PCIF1: variants seen among roughly 807,000 people sequenced by gnomAD.
PCIF1 encodes the protein mRNA (2'-O-methyladenosine-N(6)-)-methyltransferase.
Under a neutral mutation model 86.9 loss-of-function variants are expected in PCIF1, and 12 were observed. That is an observed-to-expected ratio of 0.14 (90% CI 0.09 to 0.22). PCIF1 has a LOEUF of 0.22. PCIF1 is among the 10% of genes least tolerant of loss of function. The probability of loss-of-function intolerance (pLI) is 1.00; values close to 1 mark genes in which losing one functional copy is unlikely to be tolerated. For synonymous variants in PCIF1, 397 were observed against 372.0 expected (o/e 1.07, Z -0.77); for missense variants, 701 against 951.1 (o/e 0.74, Z 3.46).
chr20:45,941,001 G>A, intron 6 of PCIF1, 52 bp from the exon 7 acceptor site: 10 of 1,614,122 alleles, frequency 6.2e-6, no homozygotes, highest in Non-Finnish European at 8.5e-6. Flanking sequence ...CTGGGACTGT[G>A]GGGTGGTGTG....
intron 5 of PCIF1, 41 bp from the exon 6 acceptor site, chr20:45,940,768 G>T (rs200827647): frequency 1.2e-6 from 2 of 1,606,014 alleles, no homozygotes; most frequent in East Asian, 2.2e-5. Context: ...AGCCTCTCTG[G>T]TGAATCTCCT....
At position 45,947,145 on chromosome 20, in the gene PCIF1, T is replaced by A; in HGVS notation, c.1686T>A (p.Asp562Glu). 6.2e-7 allele frequency: 1 copy of A among 1,613,344 alleles called. No homozygotes were observed. The stretch of plus-strand genomic sequence containing the variant: ...CTCCCTTCTGCGAGGAGCTCATGGA[T>A]GCCATGGTCTCTCACTTTGAGGTGG... Reference protein sequence around the residue: ...ANPPFCEELMDAMVSHFERLL... With the variant: ...ANPPFCEELMEAMVSHFERLL... Residue 562 changes from aspartate to glutamate, a missense_variant, in exon 15 of 17, where the codon GAT (aspartate) becomes GAA (glutamate). Physicochemically the swap from Asp to Glu is conservative, Grantham distance 45. Around this residue, in one of 7 missense-constraint regions of PCIF1, gnomAD observed 174 missense variants for 206.9 expected, o/e 0.84. Transcript: ENST00000372409. The surrounding 1 kb of genome is among the most constrained non-coding windows in gnomAD (Gnocchi z 5.4).
intron 4 of PCIF1, among the ~76,000 whole-genome samples, chr20:45,939,624 G>C (rs1225883373): frequency 3.9e-5 from 6 of 152,256 alleles, no homozygotes; most frequent in Admixed American, 1.3e-4. Flanking sequence ...GCACCCATGG[G>C]CTGCCAGGTG....
At position 45,945,020 on chromosome 20, in the gene PCIF1, C is replaced by G; in HGVS notation, c.1158C>G (p.Asn386Lys). The change falls in exon 11 of 17, where the codon AAC becomes AAG. Residue 386 changes from asparagine (N) to lysine (K), a missense_variant. By Grantham distance (94) the Asn-to-Lys change is moderately conservative. Around this residue, in one of 7 missense-constraint regions of PCIF1, gnomAD observed 121 missense variants for 131.7 expected, o/e 0.92. Transcript: ENST00000372409. ...AGCACCTTGCCATCCTCAAGGAAAA[C>G]AACATCTCAGGTAGGGGAAAGGTGA... ...REKHLAILKE[N>K]NISEEVEAPE... 1 of 1,610,564 alleles carries G rather than the reference C, an allele frequency of 6.2e-7. No homozygotes were observed. The highest frequency in any genetic ancestry group is 1.1e-5 in the South Asian group (1 of 90,586).
In PCIF1 at chr20:45,940,539, C is replaced by T. The variant is rs1193575163; in HGVS notation, c.314C>T (p.Pro105Leu). 14 of 1,607,942 alleles carry T rather than the reference C, an allele frequency of 8.7e-6. No homozygotes were observed. Among genetic ancestry groups the T allele is most frequent in the East Asian group, 6.7e-5 (3 of 44,494 alleles). Reference sequence around the variant, plus strand: ...GACTCAAGCTTGGTGGAAACTCCCCCGGCTGAGAACAAGCCCAGAAAGCGG... The same window carrying T: ...GACTCAAGCTTGGTGGAAACTCCCCTGGCTGAGAACAAGCCCAGAAAGCGG... ...PQDSSLVETP[P>L]AENKPRKRQL... Residue 105 changes from proline (P) to leucine (L), a missense_variant, in exon 5 of 17, where the codon CCG (proline) becomes CTG (leucine). Transcript: ENST00000372409.
chr20:45,947,456 C>T lies in PCIF1; in HGVS notation c.1883+18C>T. 1 of 1,613,642 alleles carries T rather than the reference C, an allele frequency of 6.2e-7. No homozygotes were observed. Among genetic ancestry groups the T allele is most frequent in the Non-Finnish European group, 8.5e-7 (1 of 1,179,944 alleles). On this transcript the variant is annotated intron_variant, in intron 16 of 16. Coordinates refer to ENST00000372409, the MANE Select transcript of PCIF1 (RefSeq NM_022104.4). This position sits in a 1 kb window ranked among gnomAD's most constrained non-coding sequence, Gnocchi z 5.4. ...TGCAAGAAGTGGGTGCCAGGGAGGG[C>T]AGGGGAAGGAGGCTGGGCTGGCCAG... is the stretch of plus-strand genomic sequence containing the variant.
rs1271455315 is a variant in PCIF1, at chr20:45,943,445, GGCGAGA to G, written c.905+23_905+28del. The G allele has an allele frequency of 1.2e-6, 2 of 1,605,216 alleles. No homozygotes were observed. The highest frequency in any genetic ancestry group is 3.3e-5 in the Admixed American group (2 of 59,932). ...CCAGGTTTGCCTGTCTTCTGCCCCA[GGCGAGA>G]TGGGTCTGTGATTAAAGTGGCAGGT... On this transcript the variant is annotated intron_variant, in intron 9 of 16. Transcript: ENST00000372409. The surrounding 1 kb of genome is among the most constrained non-coding windows in gnomAD (Gnocchi z 5.5).
intron 6 of PCIF1, 40 bp from the exon 7 acceptor site, chr20:45,941,013 G>A (rs538050980): frequency 6.2e-7 from 1 of 1,614,132 alleles, no homozygotes; most frequent in Non-Finnish European, 8.5e-7. Flanking sequence ...GGTGGTGTGG[G>A]TGGGCAGGAC....
At chr20:45,944,831 C>G (rs759190560) in intron 10 of PCIF1, 37 bp from the exon 11 acceptor site, 9 of 1,587,736 alleles carry the variant, frequency 5.7e-6, no homozygotes, top group Middle Eastern at 2.0e-4. Context: ...GCCCCTCTGG[C>G]CTCCACTAGC....
Position 45,945,743 on chromosome 20 carries a change from C to G in PCIF1, c.1201C>G (p.Leu401Val), listed in dbSNP as rs2083518517. 1.2e-6 allele frequency: 2 copies of G among 1,613,814 alleles called. No homozygotes were observed. The highest frequency in any genetic ancestry group is 2.2e-5 in the South Asian group (2 of 91,092). The change falls in exon 12 of 17, where the codon CTA becomes GTA. Residue 401 changes from leucine to valine, a missense_variant. Physicochemically the swap from Leu to Val is conservative, Grantham distance 32. Coordinates refer to ENST00000372409, the MANE Select transcript of PCIF1 (RefSeq NM_022104.4). The stretch of plus-strand genomic sequence containing the variant: ...GGAGGCCCCTGAGGTGGAGCCCCGC[C>G]TAGTGTACTGCTACCCAGTCCGGCT... The part of the protein sequence containing the change: ...EVEAPEVEPR[L>V]VYCYPVRLAV...
rs536894766 is a variant in PCIF1, at chr20:45,945,692, C to T, written c.1169-19C>T. The T allele has an allele frequency of 1.3e-5, 21 of 1,609,170 alleles. No individual in the cohort carries two copies. In the South Asian group the frequency reaches 2.3e-4, roughly 18 times the overall value. The stretch of plus-strand genomic sequence containing the variant: ...TGAGAATGAGGAGTGTGGTCCCTCA[C>T]TGCTCTCCCTGCCCACAGAGGAGGT... On this transcript the variant is annotated intron_variant, in intron 11 of 16. Transcript: ENST00000372409.
intron 14 of PCIF1, 77 bp from the exon 15 acceptor site, chr20:45,946,996 G>A: frequency 7.9e-7 from 1 of 1,262,400 alleles, no homozygotes; most frequent in Non-Finnish European, 1.1e-6. Context: ...TGGCTGCCTA[G>A]GGTTGGGGGG....
At position 45,946,570 on chromosome 20, in the gene PCIF1, G is replaced by A. The variant is rs554444929; in HGVS notation, c.1613+186G>A. Among the ~76,000 whole-genome samples the A allele has an allele frequency of 1.9e-4, 29 of 151,796 alleles. 1 individual carries two copies. The highest frequency in any genetic ancestry group is 3.1e-4 in the Non-Finnish European group (21 of 67,902). On this transcript the variant is annotated intron_variant, in intron 14 of 16. Transcript: ENST00000372409. ...AGCCTGAGCTTTTCTGGTTCTGTGG[G>A]CAGGCACGTGACACCCCTAAGCTGG...
Position 45,939,015 on chromosome 20 carries a change from C to A in PCIF1, c.16C>A (p.His6Asn), listed in dbSNP as rs1438088074. MANEN[H>N]GSPREEASLL... ...GGGTGTGGAGATGGCCAATGAGAAT[C>A]ACGGCAGCCCCCGGGAGGAAGCGTC... The change falls in exon 3 of 17, where the codon CAC becomes AAC. Residue 6 changes from histidine to asparagine, a missense_variant. Transcript: ENST00000372409. The A allele has an allele frequency of 6.2e-7, 1 of 1,613,970 alleles. No homozygotes were observed. Among genetic ancestry groups the A allele is most frequent in the Admixed American group, 1.7e-5 (1 of 59,990 alleles).
At chr20:45,946,002 G>T (rs779221500) in intron 12 of PCIF1, 27 bp from the exon 13 acceptor site, 1 of 1,613,722 alleles carries the variant, frequency 6.2e-7, no homozygotes, top group Non-Finnish European at 8.5e-7. Flanking sequence ...ACTGCTGAAG[G>T]CTCCTCCTCT....
At chr20:45,939,486 C>T (rs996704541) in intron 4 of PCIF1, 147 bp downstream of exon 4, 2 of 1,145,052 alleles carry the variant, frequency 1.7e-6, no homozygotes, top group African/African-American at 3.1e-5. Flanking sequence ...CAGCCCCTGC[C>T]CTCATGGAAC....
At chr20:45,941,990 T>C (rs961907745) in intron 7 of PCIF1, among the ~76,000 whole-genome samples, 2 of 150,616 alleles carry the variant, frequency 1.3e-5, no homozygotes, top group Non-Finnish European at 1.5e-5. Context: ...TTTTTTTTTT[T>C]CTTGAGACGG....
chr20:45,947,761 C>A lies in PCIF1; in HGVS notation c.*6C>A. 2.5e-6 allele frequency: 4 copies of A among 1,593,600 alleles called. No individual in the cohort carries two copies. Among genetic ancestry groups the A allele is most frequent in the South Asian group, 1.1e-5 (1 of 89,834 alleles). ...GCGAGCCTCACCCCACTTAACATAT[C>A]CTGCGGGGAGGAGGAGCCCCAGGGG... On this transcript the variant is annotated 3_prime_UTR_variant, in exon 17 of 17. Transcript: ENST00000372409. The surrounding 1 kb of genome is among the most constrained non-coding windows in gnomAD (Gnocchi z 5.4).
At chr20:45,936,573 A>C (rs1045664932) in intron 1 of PCIF1, among the ~76,000 whole-genome samples, 30 of 149,842 alleles carry the variant, frequency 2.0e-4, no homozygotes, top group Admixed American at 1.9e-3. Flanking sequence ...GCAGCCTCGA[A>C]CTCCTGGGCT....
Sources: allele counts gnomAD v4.1 joint callset (sites outside exome capture counted in the v4.1 genomes callset), GRCh38; gene constraint gnomAD v4.1.1; regional missense constraint gnomAD v4.1.1; non-coding constraint Gnocchi (gnomAD v3.1); transcripts MANE v1.5; gene names NCBI Gene and HGNC (gene_info 2026-07-23, HGNC 2026-07-21).